VGLL4: variants seen among roughly 807,000 people sequenced by gnomAD.
The protein encoded by VGLL4 is vestigial like family member 4.
A neutral mutation model predicts 21.0 loss-of-function variants in VGLL4; 7 were observed. The ratio of observed to expected loss-of-function variants is 0.33; its 90% CI spans 0.19 to 0.63. The LOEUF is 0.63. Among genes scored for constraint, VGLL4 ranks in the 20% least tolerant of loss-of-function variants. The probability of loss-of-function intolerance (pLI) is 0.78; values close to 1 mark genes in which losing one functional copy is unlikely to be tolerated. For synonymous variants in VGLL4, 222 were observed against 173.2 expected (o/e 1.28, Z -2.21); for missense variants, 394 against 425.7 (o/e 0.93, Z 0.66).
At chr3:11,695,086 T>C (rs894584833) in intron 2 of VGLL4, among the ~76,000 whole-genome samples, 5 of 150,314 alleles carry the variant, frequency 3.3e-5, no homozygotes, top group Non-Finnish European at 7.4e-5. Flanking sequence ...AGTCTCACTC[T>C]GTTGCCCAGG....
chr3:11,596,004 TA>T (rs879314163), intron 2 of VGLL4, among the ~76,000 whole-genome samples: 203 of 148,908 alleles, frequency 1.4e-3, no homozygotes, highest in Middle Eastern at 0.01. Flanking sequence ...TAAGATAAAA[TA>T]AAAAAAAAGA....
At chr3:11,633,939 G>A (rs1353061763) in intron 1 of VGLL4, among the ~76,000 whole-genome samples, 2 of 152,122 alleles carry the variant, frequency 1.3e-5, no homozygotes, top group Admixed American at 1.3e-4. Flanking sequence ...TGAGATTAGA[G>A]GCAGGGAGCA....
chr3:11,617,244 G>C (rs999559549), intron 1 of VGLL4, among the ~76,000 whole-genome samples: 10 of 152,200 alleles, frequency 6.6e-5, no homozygotes, highest in African/African-American at 1.9e-4. Flanking sequence ...AGGCAAGGCA[G>C]AGAGCAGGAA....
At chr3:11,600,437 T>C (rs2074765686) in intron 2 of VGLL4, among the ~76,000 whole-genome samples, 1 of 151,160 alleles carries the variant, frequency 6.6e-6, no homozygotes, top group Non-Finnish European at 1.5e-5. Flanking sequence ...GTATAAGAAA[T>C]TCGTGGGAAT....
intron 1 of VGLL4, among the ~76,000 whole-genome samples, chr3:11,715,780 C>A (rs1421094833): frequency 6.6e-6 from 1 of 152,122 alleles, no homozygotes; most frequent in African/African-American, 2.4e-5. Context: ...CAATACACAA[C>A]CTTGTTTTAC....
intron 1 of VGLL4, chr3:11,627,248 T>TCTCTCC (rs1349857401): frequency 6.7e-6 from 1 of 149,068 alleles, no homozygotes; most frequent in Admixed American, 6.8e-5. Flanking sequence ...TCTCTCTCTC[T>TCTCTCC]CTGTCGGTTT....
At chr3:11,658,949 A>G (rs1575502921) in intron 2 of VGLL4, among the ~76,000 whole-genome samples, 2 of 152,172 alleles carry the variant, frequency 1.3e-5, no homozygotes, top group East Asian at 1.9e-4. Context: ...GGTACCTAAC[A>G]CCACACACAT....
chr3:11,657,445 T>C (rs1329701279), intron 2 of VGLL4, among the ~76,000 whole-genome samples: 1 of 152,210 alleles, frequency 6.6e-6, no homozygotes, highest in African/African-American at 2.4e-5. Context: ...CATTTTAATC[T>C]TAACAATGGG....
chr3:11,562,255 A>G (rs1176610403), intron 3 of VGLL4, among the ~76,000 whole-genome samples: 3 of 151,760 alleles, frequency 2.0e-5, no homozygotes, highest in Non-Finnish European at 4.4e-5. Context: ...GCCCAAGGCC[A>G]CCCTCTTGGT....
chr3:11,645,313 AG>A (rs1023344866), upstream of VGLL4, among the ~76,000 whole-genome samples: 16 of 151,374 alleles, frequency 1.1e-4, no homozygotes, highest in African/African-American at 3.9e-4. Flanking sequence ...GCAATAGGCC[AG>A]GCGCGGTGGC....
chr3:11,563,801 T>C (rs1227469335), intron 3 of VGLL4, among the ~76,000 whole-genome samples: 3 of 152,198 alleles, frequency 2.0e-5, no homozygotes, highest in Non-Finnish European at 4.4e-5. Context: ...AGGATTACCA[T>C]GTCAGGCTCT....
chr3:11,566,098 T>C (rs184832380), intron 2 of VGLL4, among the ~76,000 whole-genome samples: 7 of 152,340 alleles, frequency 4.6e-5, no homozygotes, highest in Admixed American at 3.3e-4. Flanking sequence ...AGGCCTGCCC[T>C]GGTGAAGCAG....
At chr3:11,562,065 T>C (rs1034894922) in intron 3 of VGLL4, among the ~76,000 whole-genome samples, 4 of 151,990 alleles carry the variant, frequency 2.6e-5, no homozygotes, top group African/African-American at 9.7e-5. Flanking sequence ...GCCTGGCTAA[T>C]TTTTGTACTT....
intron 2 of VGLL4, among the ~76,000 whole-genome samples, chr3:11,670,594 C>T (rs2076193803): frequency 1.3e-5 from 2 of 152,102 alleles, no homozygotes. Flanking sequence ...GTAATATAAC[C>T]AATAGCTATA....
intron 2 of VGLL4, among the ~76,000 whole-genome samples, chr3:11,677,565 G>A (rs556186186): frequency 2.6e-5 from 4 of 152,174 alleles, no homozygotes; most frequent in South Asian, 4.1e-4. Flanking sequence ...ATGAGCCACC[G>A]CACCCAGCCC....
chr3:11,680,891 T>A (rs980114459), intron 2 of VGLL4, among the ~76,000 whole-genome samples: 1 of 152,058 alleles, frequency 6.6e-6, no homozygotes, highest in Non-Finnish European at 1.5e-5. Flanking sequence ...GCGATGAGTA[T>A]CTGTTGAGTG....
chr3:11,706,237 ACATT>A (rs1309016659), intron 1 of VGLL4, among the ~76,000 whole-genome samples: 1 of 152,230 alleles, frequency 6.6e-6, no homozygotes, highest in Non-Finnish European at 1.5e-5. Context: ...CAAGCAACTT[ACATT>A]CAAAGTAGGT....
chr3:11,583,163 A>C (rs1033154165), intron 2 of VGLL4, among the ~76,000 whole-genome samples: 6 of 152,158 alleles, frequency 3.9e-5, no homozygotes, highest in Admixed American at 2.6e-4. Flanking sequence ...ACCCTGATAT[A>C]CCCAAGCCCA....
Position 11,674,754 on chromosome 3 carries a change from CT to C in VGLL4, c.64+28216del, listed in dbSNP as rs543729814. 2.9e-3 allele frequency among the ~76,000 whole-genome samples: 442 copies of C among 152,168 alleles called. 4 individuals carry two copies. The highest frequency in any genetic ancestry group is 0.01 in the African/African-American group (419 of 41,498). On this transcript the variant is annotated intron_variant, in intron 2 of 5. Transcript: ENST00000273038. Reference sequence around the variant, plus strand: ...GAAGAGATGAGCGATGGGTGTTATGCTGTTCTGTATTTATTTCCTATTTTAA... The same window carrying C: ...GAAGAGATGAGCGATGGGTGTTATGCGTTCTGTATTTATTTCCTATTTTAA...
Sources: allele counts gnomAD v4.1 joint callset (sites outside exome capture counted in the v4.1 genomes callset), GRCh38; gene constraint gnomAD v4.1.1; transcripts MANE v1.5; gene names NCBI Gene and HGNC (gene_info 2026-07-23, HGNC 2026-07-21).